Variants in PTPRK observed in about 807,000 individuals in gnomAD.
PTPRK encodes receptor-type tyrosine-protein phosphatase kappa.
In PTPRK, 75 loss-of-function variants were observed where a neutral mutation model predicts 178.0. The ratio of observed to expected loss-of-function variants is 0.42; its 90% confidence interval spans 0.35 to 0.51. The LOEUF (loss-of-function observed/expected upper bound fraction) is 0.51. Among genes scored for constraint, PTPRK ranks in the 20% least tolerant of loss-of-function variants. The probability of loss-of-function intolerance (pLI) is 0.02; values close to 1 mark genes in which losing one functional copy is unlikely to be tolerated. For missense variants in PTPRK, 1,441 were observed against 1,797.8 expected, an observed-to-expected ratio of 0.80 and a Z score of 3.59; for synonymous variants, 637 against 620.6, an observed-to-expected ratio of 1.03 and a Z score of -0.39.
At position 128,243,672 on chromosome 6, in the gene PTPRK, C is replaced by T. The variant is rs186264406; in HGVS notation, c.496-1070G>A. On this transcript the variant is annotated intron_variant, in intron 3 of 29. Coordinates refer to ENST00000368226, the MANE Select transcript of PTPRK (RefSeq NM_002844.4). ...TGACACCACCGCACTCCAGCCTGAG[C>T]GACAGAGCAAGACCCTGACTCTAAA... Among the ~76,000 whole-genome samples, 17 of 151,476 alleles carry T rather than the reference C, an allele frequency of 1.1e-4. No individual in the cohort carries two copies. The East Asian group carries it at 2.1e-3, about 19-fold the overall frequency.
intron 1 of PTPRK, among the ~76,000 whole-genome samples, chr6:128,481,557 T>C (rs1852082848): frequency 6.6e-6 from 1 of 152,102 alleles, no homozygotes; most frequent in Non-Finnish European, 1.5e-5. Context: ...TACTGTAACA[T>C]TGTATTGCAG....
rs1202951832 is a variant in PTPRK at position 128,241,948 on chromosome 6, A to ATTTT, written c.577+569_577+572dup. On this transcript the variant is annotated intron_variant, in intron 4 of 29. Coordinates refer to ENST00000368226, the MANE Select transcript of PTPRK (RefSeq NM_002844.4). ...AGGTGTGCACCACCACGCCTGGCTAATTTTTTTTTTTTTTTTTTTGTAAGT... is the reference window on the plus strand; with the variant it reads ...AGGTGTGCACCACCACGCCTGGCTAATTTTTTTTTTTTTTTTTTTTTTTGTAAGT... Among the ~76,000 whole-genome samples, 3,229 of 126,136 alleles carry ATTTT rather than the reference A, an allele frequency of 0.026. 200 individuals are homozygous for ATTTT. In the East Asian group the frequency reaches 0.28, roughly 11 times the overall value. The allele number at this position is 126,136 out of a possible 152,430, so 82.8% of individuals were successfully genotyped here.
At chr6:128,192,752 A>C (rs897922197) in intron 6 of PTPRK, among the ~76,000 whole-genome samples, 18 of 149,624 alleles carry the variant, frequency 1.2e-4, no homozygotes, top group African/African-American at 4.2e-4. Flanking sequence ...GGAAAGTTGA[A>C]GCTGTAGTGA....
At chr6:127,973,610 T>G in intron 28 of PTPRK, 54 bp downstream of exon 28, 6 of 1,589,178 alleles carry the variant, frequency 3.8e-6, no homozygotes, top group African/African-American at 1.3e-5. Context: ...ACATTGAAAA[T>G]GAGAAAATAA....
chr6:128,306,961 G>T (rs759236083), intron 3 of PTPRK, among the ~76,000 whole-genome samples: 1 of 151,810 alleles, frequency 6.6e-6, no homozygotes, highest in Non-Finnish European at 1.5e-5. Context: ...AAATAGGGTG[G>T]TAGTAGGAAT....
At chr6:128,296,448 G>A (rs565242733) in intron 3 of PTPRK, among the ~76,000 whole-genome samples, 17 of 152,210 alleles carry the variant, frequency 1.1e-4, no homozygotes, top group African/African-American at 3.9e-4. Context: ...TGAAATGAAG[G>A]AAAAAATGTT....
chr6:128,015,284 A>T (rs1454180166), intron 13 of PTPRK, among the ~76,000 whole-genome samples: 1 of 151,762 alleles, frequency 6.6e-6, no homozygotes, highest in East Asian at 1.9e-4. Context: ...ATTTTGTTTC[A>T]TAGTAATGAA....
intron 1 of PTPRK, among the ~76,000 whole-genome samples, chr6:128,487,221 T>C (rs919443335): frequency 2.7e-5 from 4 of 147,744 alleles, no homozygotes; most frequent in Non-Finnish European, 5.9e-5. Flanking sequence ...GTAGGACTCA[T>C]ATTTTCCTGG....
At chr6:128,312,194 T>C (rs1476612417) in intron 3 of PTPRK, among the ~76,000 whole-genome samples, 1 of 152,234 alleles carries the variant, frequency 6.6e-6, no homozygotes, top group Non-Finnish European at 1.5e-5. Flanking sequence ...GGACCCTTTC[T>C]AGTATTCGGG....
Position 127,983,209 on chromosome 6 carries a change from A to T in PTPRK, c.3387+33T>A, listed in dbSNP as rs566753630. ...TTTGTTTGCAAAAAAAATAAAAAATAAAAAAAAGTCCACTACAGGTAAATC... is the reference window on the plus strand; with the variant it reads ...TTTGTTTGCAAAAAAAATAAAAAATTAAAAAAAGTCCACTACAGGTAAATC... On this transcript the variant is annotated intron_variant, in intron 23 of 29. Coordinates refer to ENST00000368226, the MANE Select transcript of PTPRK (RefSeq NM_002844.4). 8 of 1,504,116 alleles carry T rather than the reference A, an allele frequency of 5.3e-6. No homozygotes were observed. In the Admixed American group the frequency reaches 7.4e-5, roughly 14 times the overall value. The allele number at this position is 1,504,116 out of a possible 1,614,324, so 93.2% of individuals were successfully genotyped here.
At chr6:128,286,102 C>T (rs1294812209) in intron 3 of PTPRK, among the ~76,000 whole-genome samples, 1 of 152,034 alleles carries the variant, frequency 6.6e-6, no homozygotes, top group Non-Finnish European at 1.5e-5. Context: ...CTATTATGCA[C>T]CCTCCCCACA....
chr6:128,407,653 AAAGAAG>A (rs1299174509), intron 1 of PTPRK, among the ~76,000 whole-genome samples: 24 of 147,728 alleles, frequency 1.6e-4, no homozygotes, highest in African/African-American at 5.2e-4. Flanking sequence ...AAAAAAAAAA[AAAGAAG>A]AAGAAGAAGA....
chr6:128,189,593 T>A (rs1288094763), intron 6 of PTPRK, among the ~76,000 whole-genome samples: 2 of 152,132 alleles, frequency 1.3e-5, no homozygotes, highest in Non-Finnish European at 2.9e-5. Flanking sequence ...ATGATGAAAA[T>A]CATGTTTTAC....
chr6:128,339,614 A>C (rs1562313635), intron 2 of PTPRK, among the ~76,000 whole-genome samples: 1 of 152,200 alleles, frequency 6.6e-6, no homozygotes, highest in Admixed American at 6.5e-5. Context: ...ATTGAAACAC[A>C]ATCATAATTT....
intron 6 of PTPRK, among the ~76,000 whole-genome samples, chr6:128,198,829 G>T (rs1232900572): frequency 6.6e-6 from 1 of 152,110 alleles, no homozygotes; most frequent in Non-Finnish European, 1.5e-5. Flanking sequence ...TTCACTTACT[G>T]ACTTTCTTGA....
intron 2 of PTPRK, among the ~76,000 whole-genome samples, chr6:128,394,660 C>G (rs746555930): frequency 6.6e-6 from 1 of 152,052 alleles, no homozygotes; most frequent in Non-Finnish European, 1.5e-5. Context: ...ATTTGGCAGA[C>G]CTTTCAGTCA....
intron 8 of PTPRK, among the ~76,000 whole-genome samples, chr6:128,089,324 CA>C (rs1786516099): frequency 6.6e-6 from 1 of 152,142 alleles, no homozygotes; most frequent in South Asian, 2.1e-4. Flanking sequence ...TTATAAAATA[CA>C]AAAACCCTAA....
intron 15 of PTPRK, chr6:128,000,025 C>G: frequency 1.0e-6 from 1 of 954,150 alleles, no homozygotes; most frequent in South Asian, 4.8e-5. Context: ...GACCGAAGTA[C>G]TAAACATTAC....
intron 2 of PTPRK, among the ~76,000 whole-genome samples, chr6:128,351,817 G>A (rs1208254692): frequency 6.6e-6 from 1 of 152,052 alleles, no homozygotes; most frequent in Non-Finnish European, 1.5e-5. Flanking sequence ...AGAGAGATGG[G>A]GTCAAGGTCT....
Sources: gnomAD v4.1 joint callset for allele counts (sites outside exome capture counted in the v4.1 genomes callset) on GRCh38, gnomAD v4.1.1 for gene constraint, MANE v1.5 for transcripts, NCBI Gene and HGNC (gene_info 2026-07-23, HGNC 2026-07-21) for gene names.